Variants in CDC42BPA observed in about 807,000 individuals in gnomAD.
The protein encoded by CDC42BPA is serine/threonine-protein kinase MRCK alpha.
CDC42BPA carries 80 observed loss-of-function variants against 223.5 expected under a neutral mutation model. The ratio of observed to expected loss-of-function variants is 0.36; its 90% CI spans 0.30 to 0.43. The LOEUF is 0.43. Among genes scored for constraint, CDC42BPA ranks in the 20% least tolerant of loss-of-function variants. CDC42BPA has a pLI of 1.00. For synonymous variants in CDC42BPA, 694 were observed against 718.6 expected (o/e 0.97, Z 0.55); for missense variants, 1,743 against 2,099.9 (o/e 0.83, Z 3.32).
intron 6 of CDC42BPA, among the ~76,000 whole-genome samples, chr1:227,154,474 C>G (rs1340743310): frequency 6.6e-6 from 1 of 151,850 alleles, no homozygotes; most frequent in East Asian, 1.9e-4. Flanking sequence ...TATGAAAAAT[C>G]TAGAAGAATC....
intron 30 of CDC42BPA, among the ~76,000 whole-genome samples, chr1:227,028,067 C>T (rs1215556711): frequency 2.0e-5 from 3 of 150,074 alleles, no homozygotes; most frequent in Non-Finnish European, 2.9e-5. Flanking sequence ...CTGCAGTGGG[C>T]TGTGACGATA....
intron 28 of CDC42BPA, 24 bp from the exon 29 acceptor site, chr1:227,030,494 G>T: frequency 1.4e-6 from 2 of 1,458,958 alleles, no homozygotes; most frequent in Middle Eastern, 1.8e-4. Context: ...GAATGTGAAA[G>T]ATTTTTATTA....
intron 15 of CDC42BPA, among the ~76,000 whole-genome samples, chr1:227,100,715 G>A (rs971230830): frequency 3.9e-5 from 5 of 126,812 alleles, no homozygotes; most frequent in African/African-American, 1.3e-4. Context: ...CAGATTATAG[G>A]TGTGTGTGTG....
chr1:227,072,110 C>T (rs753545158), intron 20 of CDC42BPA, 98 bp downstream of exon 20: 1 of 676,300 alleles, frequency 1.5e-6, no homozygotes, highest in Non-Finnish European at 2.5e-6. Flanking sequence ...CTTATGTCAA[C>T]AATTCTCCCA....
chr1:227,209,396 G>T (rs1316603008), intron 3 of CDC42BPA, among the ~76,000 whole-genome samples: 5 of 142,018 alleles, frequency 3.5e-5, no homozygotes, highest in East Asian at 2.1e-4. Context: ...ACACTATGTT[G>T]AATAGGAGTG....
At chr1:227,088,730 T>C (rs1253769204) in intron 16 of CDC42BPA, among the ~76,000 whole-genome samples, 1 of 152,152 alleles carries the variant, frequency 6.6e-6, no homozygotes, top group African/African-American at 2.4e-5. Flanking sequence ...CAATGATATA[T>C]ATATATATTT....
chr1:227,100,244 T>G (rs1466284729), intron 15 of CDC42BPA, among the ~76,000 whole-genome samples: 1 of 152,136 alleles, frequency 6.6e-6, no homozygotes, highest in Non-Finnish European at 1.5e-5. Context: ...GGCCCACACC[T>G]CATCTCTCGC....
At chr1:227,051,390 T>C (rs1673494137) in intron 22 of CDC42BPA, among the ~76,000 whole-genome samples, 1 of 152,190 alleles carries the variant, frequency 6.6e-6, no homozygotes, top group Non-Finnish European at 1.5e-5. Context: ...AACACAGTTT[T>C]TTTTGCACTA....
chr1:227,276,228 G>T (rs1472249944), intron 1 of CDC42BPA, among the ~76,000 whole-genome samples: 2 of 151,828 alleles, frequency 1.3e-5, no homozygotes, highest in Non-Finnish European at 2.9e-5. Flanking sequence ...CGTCTGGGAT[G>T]TGAGGAGCGC....
intron 1 of CDC42BPA, among the ~76,000 whole-genome samples, chr1:227,283,318 C>T (rs926550741): frequency 1.3e-5 from 2 of 151,852 alleles, no homozygotes; most frequent in Non-Finnish European, 2.9e-5. Context: ...TACACATAAA[C>T]GAGAGAAATA....
chr1:227,104,059 T>C (rs73099026), intron 14 of CDC42BPA, among the ~76,000 whole-genome samples: 23,477 of 151,864 alleles, frequency 0.15, 2,201 homozygotes, highest in African/African-American at 0.25. Context: ...GTGCAGAGAG[T>C]TTTATGAATT....
chr1:227,194,117 C>T (rs1457457915), intron 4 of CDC42BPA, among the ~76,000 whole-genome samples, 183 bp from the exon 5 acceptor site: 1 of 152,146 alleles, frequency 6.6e-6, no homozygotes, highest in African/African-American at 2.4e-5. Context: ...AAATTTCATA[C>T]AGCAGTAAAA....
intron 2 of CDC42BPA, among the ~76,000 whole-genome samples, chr1:227,253,261 AGAGAGAGC>A (rs1321680741): frequency 2.1e-5 from 3 of 141,542 alleles, no homozygotes; most frequent in Non-Finnish European, 3.1e-5. Flanking sequence ...AGAGAGAGCG[AGAGAGAGC>A]GCGCGCGCGT....
chr1:227,297,517 A>G (rs1690852221), intron 1 of CDC42BPA, among the ~76,000 whole-genome samples: 1 of 152,200 alleles, frequency 6.6e-6, no homozygotes, highest in Non-Finnish European at 1.5e-5. Flanking sequence ...CATAATAACC[A>G]AAAGGTGGAA....
At chr1:227,277,091 A>G (rs201658777) in intron 1 of CDC42BPA, among the ~76,000 whole-genome samples, 46,190 of 150,180 alleles carry the variant, frequency 0.31, 7,417 homozygotes, top group East Asian at 0.37. Flanking sequence ...AAAAAAAAAA[A>G]AAAAGAAAAA....
intron 1 of CDC42BPA, among the ~76,000 whole-genome samples, chr1:227,315,181 T>C (rs1694165015): frequency 6.6e-6 from 1 of 152,042 alleles, no homozygotes; most frequent in Non-Finnish European, 1.5e-5. Flanking sequence ...ACTTCCATAC[T>C]AATAAAAATA....
intron 1 of CDC42BPA, among the ~76,000 whole-genome samples, chr1:227,306,564 A>G (rs544022374): frequency 6.6e-6 from 1 of 152,250 alleles, no homozygotes; most frequent in Non-Finnish European, 1.5e-5. Flanking sequence ...AGGCAGAAAC[A>G]GATACTACAG....
chr1:227,019,765 G>T (rs1227254731), intron 32 of CDC42BPA, among the ~76,000 whole-genome samples: 2 of 152,180 alleles, frequency 1.3e-5, no homozygotes, highest in East Asian at 3.8e-4. Context: ...TATTTTGAAA[G>T]AAGTATTACT....
At chr1:227,261,199 T>C (rs1382679783) in intron 1 of CDC42BPA, among the ~76,000 whole-genome samples, 1 of 146,392 alleles carries the variant, frequency 6.8e-6, no homozygotes, top group African/African-American at 2.6e-5. Context: ...CACTGCAACC[T>C]CCACCTCCAG....
Sources: gnomAD v4.1 joint callset for allele counts (sites outside exome capture counted in the v4.1 genomes callset) on GRCh38, gnomAD v4.1.1 for gene constraint, MANE v1.5 for transcripts, NCBI Gene and HGNC (gene_info 2026-07-23, HGNC 2026-07-21) for gene names.